LIMA1: variants seen among roughly 807,000 people sequenced by gnomAD.
The protein encoded by LIMA1 is LIM domain and actin binding 1.
A neutral mutation model predicts 62.6 loss-of-function variants in LIMA1; 52 were observed. The observed-to-expected ratio is 0.83, with a 90% CI of 0.67 to 1.05. The LOEUF is 1.05. LIMA1 is among the 50% of genes least tolerant of loss of function. The pLI is 0.00. For synonymous variants in LIMA1, 302 were observed against 317.8 expected (o/e 0.95, Z 0.53); for missense variants, 780 against 902.2 (o/e 0.86, Z 1.74).
rs1940520392 is a variant in LIMA1, at chr12:50,182,205, G to A, written c.1141-168C>T. 2.4e-5 allele frequency: 16 copies of A among 659,182 alleles called. No individual in the cohort carries two copies. In the South Asian group the frequency reaches 2.5e-4, roughly 10 times the overall value. 40.8% of individuals were successfully genotyped at this position (659,182 alleles called of 1,614,324 possible). A position where few individuals can be genotyped will look rare whatever the true frequency, so the allele number is the denominator to read the frequency against. ...ATCAGCTGACTCTTTAAAGCCAAGA[G>A]GCTCTCTTGATATTCCCTTCCCAAA... On this transcript the variant is annotated intron_variant, in intron 9 of 10. Coordinates refer to ENST00000341247, the MANE Select transcript of LIMA1 (RefSeq NM_016357.5).
intron 8 of LIMA1, among the ~76,000 whole-genome samples, chr12:50,195,299 G>T (rs1406837821): frequency 6.6e-6 from 1 of 152,114 alleles, no homozygotes; most frequent in Non-Finnish European, 1.5e-5. Context: ...TTTGGGAAAA[G>T]GGAGGCTCAA....
chr12:50,177,378 T>C lies in LIMA1; in HGVS notation c.1966A>G (p.Lys656Glu), dbSNP rs1214341234. The C allele has an allele frequency of 6.2e-7, 1 of 1,614,232 alleles. No homozygotes were observed. ...TTCCCTGTCTCTCCTTTAGATTCTT[T>C]GTTTTGCCAGGTTGTTTTTCCCACA... ...GNVGKTTWQN[K>E]ESKGETGKRS... The change falls in exon 11 of 11, where the codon AAA becomes GAA. Residue 656 changes from lysine to glutamate, a missense_variant. Physicochemically the swap from Lys to Glu is moderately conservative, Grantham distance 56 (BLOSUM62 1). Transcript: ENST00000341247.
At chr12:50,245,052 A>G (rs944630628) in intron 2 of LIMA1, among the ~76,000 whole-genome samples, 11 of 152,182 alleles carry the variant, frequency 7.2e-5, no homozygotes, top group Non-Finnish European at 1.5e-4. Context: ...ATTCTGAGTG[A>G]TAGGTTGAGA....
chr12:50,193,666 A>ATATATT (rs1555204645), intron 8 of LIMA1, among the ~76,000 whole-genome samples: 2 of 60,030 alleles, frequency 3.3e-5, no homozygotes, highest in Admixed American at 1.9e-4. Context: ...ATATATATAT[A>ATATATT]TTTTTTTTTT....
At position 50,177,633 on chromosome 12, in the gene LIMA1, C is replaced by T; in HGVS notation, c.1711G>A (p.Val571Ile). ...EISKPEVPED[V>I]DLDLKKLRRS... ...CTTAGCTTCTTCAGATCTAGATCGA[C>T]ATCCTCAGGAACTTCGGGCTTGCTG... The change falls in exon 11 of 11, where the codon GTC (valine) becomes ATC (isoleucine). Residue 571 changes from valine to isoleucine, a missense_variant. Transcript: ENST00000341247. The T allele has an allele frequency of 6.2e-7, 1 of 1,608,790 alleles. No homozygotes were observed. The highest frequency in any genetic ancestry group is 8.5e-7 in the Non-Finnish European group (1 of 1,177,646).
chr12:50,258,300 T>TGTG (rs1565861115), intron 1 of LIMA1, among the ~76,000 whole-genome samples: 69 of 150,108 alleles, frequency 4.6e-4, no homozygotes, highest in African/African-American at 1.6e-3. Context: ...ACACTGCTTT[T>TGTG]TGTGTGTGTG....
chr12:50,204,888 A>T (rs919375358), intron 5 of LIMA1, among the ~76,000 whole-genome samples, 188 bp from the exon 6 acceptor site: 3 of 152,116 alleles, frequency 2.0e-5, no homozygotes, highest in African/African-American at 7.2e-5. Context: ...ACTGGCCAAC[A>T]TGTTTTATTA....
intron 1 of LIMA1, among the ~76,000 whole-genome samples, chr12:50,251,202 A>G (rs1274690797): frequency 6.6e-6 from 1 of 152,216 alleles, no homozygotes; most frequent in Non-Finnish European, 1.5e-5. Context: ...AAGTTAAGGA[A>G]ATGCTAATGA....
intron 4 of LIMA1, among the ~76,000 whole-genome samples, chr12:50,209,954 C>T (rs375159840): frequency 3.9e-5 from 6 of 152,274 alleles, no homozygotes; most frequent in East Asian, 3.9e-4. Context: ...TAAGCCACCG[C>T]GCCTGGCCCA....
chr12:50,268,150 G>A (rs912051054), intron 1 of LIMA1, among the ~76,000 whole-genome samples: 9 of 152,084 alleles, frequency 5.9e-5, no homozygotes, highest in African/African-American at 1.7e-4. Context: ...CAAAAATGCC[G>A]CTTGACTATA....
At chr12:50,188,586 A>G (rs1383228233) in intron 9 of LIMA1, 1 of 152,210 alleles carries the variant, frequency 6.6e-6, no homozygotes, top group Non-Finnish European at 1.5e-5. Context: ...GTCTACTACT[A>G]TACTACTATT....
intron 1 of LIMA1, among the ~76,000 whole-genome samples, chr12:50,277,201 A>G (rs1462331888): frequency 1.3e-5 from 2 of 151,878 alleles, no homozygotes; most frequent in Admixed American, 6.6e-5. Context: ...AAAAAATACC[A>G]ATCTTTTTGA....
At chr12:50,201,205 G>C (rs1941043065) in intron 6 of LIMA1, 1 of 1,066,524 alleles carries the variant, frequency 9.4e-7, no homozygotes, top group Non-Finnish European at 1.1e-6. Context: ...TAGCAGCAGA[G>C]CTTGTGGTAA....
intron 4 of LIMA1, among the ~76,000 whole-genome samples, chr12:50,207,776 G>A (rs543334832): frequency 4.5e-4 from 69 of 151,860 alleles, no homozygotes; most frequent in African/African-American, 1.6e-3. Context: ...TGCGGTCCCA[G>A]CTACTTGGGA....
At chr12:50,275,998 G>A (rs1226135662) in intron 1 of LIMA1, among the ~76,000 whole-genome samples, 5 of 152,082 alleles carry the variant, frequency 3.3e-5, no homozygotes, top group Non-Finnish European at 7.4e-5. Flanking sequence ...GGTGGGACCT[G>A]AGACTCTACC....
At chr12:50,253,115 C>T (rs1441387062) in intron 1 of LIMA1, among the ~76,000 whole-genome samples, 2 of 152,118 alleles carry the variant, frequency 1.3e-5, no homozygotes, top group Non-Finnish European at 2.9e-5. Flanking sequence ...TGATGGAAGG[C>T]TGTTGATTCC....
chr12:50,254,823 G>A (rs1344409588), intron 1 of LIMA1, among the ~76,000 whole-genome samples: 1 of 152,138 alleles, frequency 6.6e-6, no homozygotes, highest in Non-Finnish European at 1.5e-5. Context: ...ACTCTGGGAG[G>A]CTTAGGTGAG....
chr12:50,217,493 C>CTT (rs76180466), intron 4 of LIMA1, among the ~76,000 whole-genome samples: 341 of 142,578 alleles, frequency 2.4e-3, no homozygotes, highest in African/African-American at 8.4e-3. Flanking sequence ...GAAGTAAAAT[C>CTT]TTTTTTTTTT....
intron 1 of LIMA1, among the ~76,000 whole-genome samples, chr12:50,277,154 T>A (rs1376104435): frequency 6.6e-6 from 1 of 152,174 alleles, no homozygotes; most frequent in Non-Finnish European, 1.5e-5. Flanking sequence ...TGATTTTATC[T>A]TACCAGTTTC....
Sources: gnomAD v4.1 joint callset for allele counts (sites outside exome capture counted in the v4.1 genomes callset) on GRCh38, gnomAD v4.1.1 for gene constraint, MANE v1.5 for transcripts, NCBI Gene and HGNC (gene_info 2026-07-23, HGNC 2026-07-21) for gene names.